Variants in ZNF222 observed in about 807,000 individuals in gnomAD.
ZNF222 encodes the protein zinc finger protein 222.
In ZNF222, 8 loss-of-function variants were observed where a neutral mutation model predicts 11.6. The ratio of observed to expected loss-of-function variants is 0.69; its 90% CI spans 0.41 to 1.25. The LOEUF is 1.25. Among genes scored for constraint, ZNF222 ranks in the 50% most tolerant of loss-of-function variants. ZNF222 has a pLI of 0.01. For missense variants in ZNF222, 483 were observed against 576.1 expected (o/e 0.84, Z 1.65); for synonymous variants, 171 against 195.6 (o/e 0.87, Z 1.05).
chr19:44,031,944 C>T lies in ZNF222; in HGVS notation c.390C>T (p.Asn130=), dbSNP rs368479458. 2.5e-6 allele frequency: 4 copies of T among 1,614,098 alleles called. No individual in the cohort carries two copies. Among genetic ancestry groups the T allele is most frequent in the Non-Finnish European group, 3.4e-6 (4 of 1,180,046 alleles). Residue 130 remains asparagine (N), a synonymous_variant, in exon 4 of 4, where the codon AAC becomes AAT. Transcript: ENST00000391960. ...GGTCTCAAGATACCACCATAAGTAA[C>T]TCTCAGTTATTTGAACAAGATGACA... ...LTRSQDTTIS[N]SQLFEQDDNP...
chr19:44,031,880 G>A lies in ZNF222; in HGVS notation c.326G>A (p.Cys109Tyr), dbSNP rs779841247. The change falls in exon 4 of 4, where the codon TGC (cysteine) becomes TAC (tyrosine). Residue 109 changes from cysteine (C) to tyrosine (Y), a missense_variant. Coordinates refer to ENST00000391960, the MANE Select transcript of ZNF222 (RefSeq NM_001129996.2). Reference protein sequence around the residue: ...PEAGTHEEFSCKQIWEQIASD... With the variant: ...PEAGTHEEFSYKQIWEQIASD... ...GCAGGAACACATGAAGAATTTTCCT[G>A]CAAGCAAATTTGGGAACAAATTGCA... 3 of 1,614,162 alleles carry A rather than the reference G, an allele frequency of 1.9e-6. No homozygotes were observed. Among genetic ancestry groups the A allele is most frequent in the Non-Finnish European group, 1.7e-6 (2 of 1,180,024 alleles).
At position 44,032,865 on chromosome 19, in the gene ZNF222, G is replaced by A; in HGVS notation, c.1311G>A (p.Leu437=). 1 of 1,613,750 alleles carries A rather than the reference G, an allele frequency of 6.2e-7. No homozygotes were observed. Among genetic ancestry groups the A allele is most frequent in the Non-Finnish European group, 8.5e-7 (1 of 1,179,956 alleles). The change falls in exon 4 of 4, where the codon TTG becomes TTA. Residue 437 remains leucine (L), a synonymous_variant. Transcript: ENST00000391960. The stretch of plus-strand genomic sequence containing the variant: ...AACTCCACTGCCAAAGAAAGCCATT[G>A]AAATGTGAAGACTGTGGAAAGAGGC... The part of the protein sequence containing the change: ...HKKLHCQRKP[L]KCEDCGKRLV...
chr19:44,030,025 G>A (rs2147447535), intron 3 of ZNF222, among the ~76,000 whole-genome samples: 1 of 152,244 alleles, frequency 6.6e-6, no homozygotes, highest in Middle Eastern at 3.4e-3. Flanking sequence ...GTTTATTGCA[G>A]GTTTTAACTT....
In ZNF222 at chr19:44,025,875, C is replaced by A. The variant is rs1976348290; in HGVS notation, c.42+397C>A. Among the ~76,000 whole-genome samples, 1 of 152,174 alleles carries A rather than the reference C, an allele frequency of 6.6e-6. No individual in the cohort carries two copies. The highest frequency in any genetic ancestry group is 6.5e-5 in the Admixed American group (1 of 15,292). On this transcript the variant is annotated intron_variant, in intron 1 of 3. Coordinates refer to ENST00000391960, the MANE Select transcript of ZNF222 (RefSeq NM_001129996.2). This position sits in a 1 kb window ranked among gnomAD's most constrained non-coding sequence, Gnocchi z 4.6. ...TCTGGTGGGGTCAGAGCTCCAGCTG[C>A]AGGGGCGCCGGCCCTTCTGCCTGAT...
Position 44,032,290 on chromosome 19 carries a change from T to C in ZNF222, c.736T>C (p.Cys246Arg), listed in dbSNP as rs1273909427. The C allele has an allele frequency of 6.2e-7, 1 of 1,614,012 alleles. No individual in the cohort carries two copies. The highest frequency in any genetic ancestry group is 8.5e-7 in the Non-Finnish European group (1 of 1,180,004). Residue 246 changes from cysteine to arginine, a missense_variant, in exon 4 of 4, where the codon TGT becomes CGT. Coordinates refer to ENST00000391960, the MANE Select transcript of ZNF222 (RefSeq NM_001129996.2). ...AGAGAAACCATTCAAATGTGAGCAGTGTGGGAAAGGCTTCAGATGTAGATC... is the reference window on the plus strand; with the variant it reads ...AGAGAAACCATTCAAATGTGAGCAGCGTGGGAAAGGCTTCAGATGTAGATC... ...TGEKPFKCEQ[C>R]GKGFRCRSAL...
At position 44,025,573 on chromosome 19, in the gene ZNF222, C is replaced by A; in HGVS notation, c.42+95C>A. ...AGGGTCTCAGGGAGTGGGATTGGCG[C>A]GGCCCGGTGTGCCCTACTTTGACCT... On this transcript the variant is annotated intron_variant, in intron 1 of 3. Transcript: ENST00000391960. The surrounding 1 kb of genome is among the most constrained non-coding windows in gnomAD (Gnocchi z 4.6). 3 of 1,363,294 alleles carry A rather than the reference C, an allele frequency of 2.2e-6. No individual in the cohort carries two copies. The highest frequency in any genetic ancestry group is 2.9e-5 in the African/African-American group (2 of 68,170). The allele number at this position is 1,363,294 out of a possible 1,614,324, so 84.4% of individuals were successfully genotyped here.
At position 44,025,585 on chromosome 19, in the gene ZNF222, C is replaced by A; in HGVS notation, c.42+107C>A. Reference sequence around the variant, plus strand: ...AGTGGGATTGGCGCGGCCCGGTGTGCCCTACTTTGACCTCGCTTAGTCCGC... The same window carrying A: ...AGTGGGATTGGCGCGGCCCGGTGTGACCTACTTTGACCTCGCTTAGTCCGC... On this transcript the variant is annotated intron_variant, in intron 1 of 3. Coordinates refer to ENST00000391960, the MANE Select transcript of ZNF222 (RefSeq NM_001129996.2). The surrounding 1 kb of genome is among the most constrained non-coding windows in gnomAD (Gnocchi z 4.6). 1.6e-6 allele frequency: 2 copies of A among 1,264,926 alleles called. No individual in the cohort carries two copies. Among genetic ancestry groups the A allele is most frequent in the Non-Finnish European group, 2.1e-6 (2 of 934,970 alleles). The allele number at this position is 1,264,926 out of a possible 1,614,324, so 78.4% of individuals were successfully genotyped here.
Position 44,025,538 on chromosome 19 carries a change from G to T in ZNF222, c.42+60G>T. On this transcript the variant is annotated intron_variant, in intron 1 of 3. Coordinates refer to ENST00000391960, the MANE Select transcript of ZNF222 (RefSeq NM_001129996.2). The surrounding 1 kb of genome is among the most constrained non-coding windows in gnomAD (Gnocchi z 4.6). ...GTCAGCTGAGCCTTCTGGCGTCGGG[G>T]GGCTCTGCTAGGGTCTCAGGGAGTG... 1 of 1,505,420 alleles carries T rather than the reference G, an allele frequency of 6.6e-7. No homozygotes were observed. The highest frequency in any genetic ancestry group is 8.9e-7 in the Non-Finnish European group (1 of 1,123,860). 93.3% of individuals were successfully genotyped at this position (1,505,420 alleles called of 1,614,324 possible).
intron 3 of ZNF222, 108 bp from the exon 4 acceptor site, chr19:44,031,709 C>G (rs1393860003): frequency 1.6e-6 from 2 of 1,259,262 alleles, no homozygotes; most frequent in African/African-American, 3.0e-5. Context: ...TCTCAAACTC[C>G]TGACCTCACA....
Position 44,027,133 on chromosome 19 carries a change from G to A in ZNF222, c.153G>A (p.Arg51=). The A allele has an allele frequency of 3.7e-6, 6 of 1,614,076 alleles. No homozygotes were observed. Among genetic ancestry groups the A allele is most frequent in the Non-Finnish European group, 3.4e-6 (4 of 1,180,000 alleles). ...LYRDVMLENF[R]NLLSVGHQPF... The stretch of plus-strand genomic sequence containing the variant: ...GAGATGTGATGCTTGAGAACTTCAG[G>A]AACCTGCTCTCAGTGGGTGAGGACG... The change falls in exon 2 of 4, where the codon AGG becomes AGA. Residue 51 remains arginine, a synonymous_variant. Transcript: ENST00000391960.
chr19:44,027,191 G>A (rs1396931974), intron 2 of ZNF222, 42 bp downstream of exon 2: 2 of 1,608,648 alleles, frequency 1.2e-6, no homozygotes, highest in East Asian at 2.2e-5. Context: ...CAGGCCCCAG[G>A]AGTGGTTTTT....
rs767424984 is a variant in ZNF222, at chr19:44,032,794, T to C, written c.1240T>C (p.Cys414Arg). ...AGAGAGATCTTATAACTGTGATAAC[T>C]GCGGGAAGAGCTTTAGACATGCTTC... ...TGERSYNCDN[C>R]GKSFRHASSI... Residue 414 changes from cysteine to arginine, a missense_variant, in exon 4 of 4, where the codon TGC becomes CGC. Transcript: ENST00000391960. 13 of 1,614,086 alleles carry C rather than the reference T, an allele frequency of 8.1e-6. No homozygotes were observed. In the South Asian group the frequency reaches 1.4e-4, roughly 18 times the overall value.
chr19:44,029,186 GTTTTGT>G (rs1976444645), intron 3 of ZNF222, among the ~76,000 whole-genome samples: 1 of 97,842 alleles, frequency 1.0e-5, no homozygotes, highest in Admixed American at 9.7e-5. Flanking sequence ...GGTTTGTTTT[GTTTTGT>G]TTTTTTTTTT....
rs1976341977 is a variant in ZNF222 at position 44,025,625 on chromosome 19, C to A, written c.42+147C>A. The A allele has an allele frequency of 1.3e-6, 1 of 758,858 alleles. No homozygotes were observed. The highest frequency in any genetic ancestry group is 1.8e-5 in the African/African-American group (1 of 56,734). The allele number at this position is 758,858 out of a possible 1,614,324, so 47.0% of individuals were successfully genotyped here. A position where few individuals can be genotyped will look rare whatever the true frequency, so the allele number is the denominator to read the frequency against. On this transcript the variant is annotated intron_variant, in intron 1 of 3. Coordinates refer to ENST00000391960, the MANE Select transcript of ZNF222 (RefSeq NM_001129996.2). The surrounding 1 kb of genome is among the most constrained non-coding windows in gnomAD (Gnocchi z 4.6). ...GCTTAGTCCGCCTCCCTCCTCCCTA[C>A]GTGTGCAGCCCCTTTCAGTGTGGTG...
chr19:44,029,186 GTTTTGTTTTTT>G (rs569677739), intron 3 of ZNF222, among the ~76,000 whole-genome samples: 21,269 of 97,070 alleles, frequency 0.22, 1,056 homozygotes, highest in Middle Eastern at 0.32. Context: ...GGTTTGTTTT[GTTTTGTTTTTT>G]TTTTTTTTTT....
chr19:44,027,840 T>C (rs1976413895), intron 3 of ZNF222, among the ~76,000 whole-genome samples: 1 of 152,276 alleles, frequency 6.6e-6, no homozygotes, highest in African/African-American at 2.4e-5. Flanking sequence ...TTGCTCCATC[T>C]TTTCCAGGCA....
At chr19:44,031,726 C>T in intron 3 of ZNF222, 91 bp from the exon 4 acceptor site, 1 of 1,418,082 alleles carries the variant, frequency 7.1e-7, no homozygotes, top group Non-Finnish European at 9.6e-7. Context: ...CACAGTCCAC[C>T]CGCCTCGGCC....
Position 44,025,450 on chromosome 19 carries a change from GAGAAA to G in ZNF222, c.19_23del (p.Lys7AlafsTer20), listed in dbSNP as rs1976333745. On this transcript the variant is annotated frameshift_variant, in exon 1 of 4. Transcript: ENST00000391960. LOFTEE classifies it high-confidence loss of function. This position sits in a 1 kb window ranked among gnomAD's most constrained non-coding sequence, Gnocchi z 4.6. ...CGCAACCACCCAATGATCGATTCAG[GAGAAA>G]AGAAGCCTGGGCGGAGAGCAGAGGT... 1 of 1,551,340 alleles carries G rather than the reference GAGAAA, an allele frequency of 6.4e-7. No individual in the cohort carries two copies. Among genetic ancestry groups the G allele is most frequent in the Admixed American group, 2.0e-5 (1 of 50,952 alleles).
chr19:44,032,388 C>T lies in ZNF222; in HGVS notation c.834C>T (p.Phe278=). 5 of 1,614,212 alleles carry T rather than the reference C, an allele frequency of 3.1e-6. No homozygotes were observed. The highest frequency in any genetic ancestry group is 4.2e-6 in the Non-Finnish European group (5 of 1,180,042). ...ATTGTGAGAAATGTGGGAAGGCTTT[C>T]ATGCACAATTTCCAGCTTCAGAAAC... The part of the protein sequence containing the change: ...PYNCEKCGKA[F]MHNFQLQKHH... Residue 278 remains phenylalanine, a synonymous_variant, in exon 4 of 4, where the codon TTC becomes TTT. Transcript: ENST00000391960.
Sources: gnomAD v4.1 joint callset for allele counts (sites outside exome capture counted in the v4.1 genomes callset) on GRCh38, gnomAD v4.1.1 for gene constraint, Gnocchi (gnomAD v3.1) non-coding constraint, MANE v1.5 for transcripts, NCBI Gene and HGNC (gene_info 2026-07-23, HGNC 2026-07-21) for gene names.